Variants in CLYBL observed in about 807,000 individuals in gnomAD.
The protein encoded by CLYBL is citramalyl-CoA lyase, also known as citramalyl-CoA lyase, mitochondrial.
A neutral mutation model predicts 38.9 loss-of-function variants in CLYBL; 31 were observed. The ratio of observed to expected loss-of-function variants is 0.80; its 90% confidence interval spans 0.60 to 1.08. CLYBL has a LOEUF of 1.08. Among genes scored for constraint, CLYBL ranks in the 50% least tolerant of loss-of-function variants. CLYBL has a pLI of 0.00. For synonymous variants in CLYBL, 171 were observed against 158.6 expected, an observed-to-expected ratio of 1.08 and a Z score of -0.59; for missense variants, 434 against 411.6, an observed-to-expected ratio of 1.05 and a Z score of -0.47.
rs142590117 is a variant in CLYBL at position 99,639,467 on chromosome 13, C to A, written c.62+32710C>A. Among the ~76,000 whole-genome samples, 174 of 152,320 alleles carry A rather than the reference C, an allele frequency of 1.1e-3. 2 individuals carry two copies. Among genetic ancestry groups the A allele is most frequent in the African/African-American group, 3.9e-3 (162 of 41,562 alleles). On this transcript the variant is annotated intron_variant, in intron 1 of 8. Transcript: ENST00000339105. Reference sequence around the variant, plus strand: ...ATCCAAGGACATAAGCATTTAGAGTCATTTTTAAAGGAGTGCTCCGATGGT... The same window carrying A: ...ATCCAAGGACATAAGCATTTAGAGTAATTTTTAAAGGAGTGCTCCGATGGT...
intron 1 of CLYBL, among the ~76,000 whole-genome samples, chr13:99,751,942 TG>T (rs975404704): frequency 5.3e-5 from 8 of 152,230 alleles, no homozygotes; most frequent in Non-Finnish European, 7.3e-5. Context: ...CATGGATTAT[TG>T]TTTTATTGCT....
intron 1 of CLYBL, among the ~76,000 whole-genome samples, chr13:99,660,131 A>T (rs2047388359): frequency 6.6e-6 from 1 of 152,214 alleles, no homozygotes. Flanking sequence ...CCAGCGACAC[A>T]TCCAGCTTGT....
chr13:99,874,188 C>T (rs2051979429), intron 7 of CLYBL, among the ~76,000 whole-genome samples: 2 of 152,136 alleles, frequency 1.3e-5, no homozygotes, highest in Non-Finnish European at 2.9e-5. Flanking sequence ...AATCTCTGCT[C>T]CTATGTTAAT....
At chr13:99,752,899 C>T (rs1375193441) in intron 1 of CLYBL, among the ~76,000 whole-genome samples, 1 of 152,112 alleles carries the variant, frequency 6.6e-6, no homozygotes, top group Non-Finnish European at 1.5e-5. Context: ...TTCTCTGAAC[C>T]CAGTGGAAGA....
downstream of CLYBL, among the ~76,000 whole-genome samples, chr13:99,899,376 C>T (rs777697958): frequency 6.6e-6 from 1 of 152,306 alleles, no homozygotes; most frequent in Non-Finnish European, 1.5e-5. Context: ...ATTCTCCTTC[C>T]TTTCCTGGAT....
At chr13:99,902,595 G>T (rs892550419) in intron 8 of CLYBL, among the ~76,000 whole-genome samples, 2 of 152,156 alleles carry the variant, frequency 1.3e-5, no homozygotes, top group Non-Finnish European at 2.9e-5. Context: ...CCAGTGTAGC[G>T]TTTATAAAAA....
intron 1 of CLYBL, among the ~76,000 whole-genome samples, chr13:99,703,752 ATT>A (rs2048106494): frequency 6.6e-6 from 1 of 152,092 alleles, no homozygotes; most frequent in African/African-American, 2.4e-5. Context: ...TAAACAATGC[ATT>A]TGTTTGTTTG....
At chr13:99,854,571 C>T (rs975012064) in intron 2 of CLYBL, among the ~76,000 whole-genome samples, 2 of 152,010 alleles carry the variant, frequency 1.3e-5, no homozygotes, top group Non-Finnish European at 2.9e-5. Flanking sequence ...GACTGTGCCG[C>T]CCTGCCGCGA....
At chr13:99,795,535 T>A (rs7984587) in intron 2 of CLYBL, among the ~76,000 whole-genome samples, 26,174 of 151,878 alleles carry the variant, frequency 0.17, 2,962 homozygotes, top group East Asian at 0.37. Flanking sequence ...GTGCTTGTGG[T>A]CCCAGTTACT....
Position 99,865,675 on chromosome 13 carries a change from A to G in CLYBL, c.635-565A>G, listed in dbSNP as rs989310962. Among the ~76,000 whole-genome samples, 1 of 152,226 alleles carries G rather than the reference A, an allele frequency of 6.6e-6. No individual in the cohort carries two copies. Among genetic ancestry groups the G allele is most frequent in the African/African-American group, 2.4e-5 (1 of 41,460 alleles). ...TCTTTCCAGGAGACTTGTGTATCCAACGGTTCAGCGGGCTACAGAAGGCAT... is the reference window on the plus strand; with the variant it reads ...TCTTTCCAGGAGACTTGTGTATCCAGCGGTTCAGCGGGCTACAGAAGGCAT... On this transcript the variant is annotated intron_variant, in intron 5 of 8. Coordinates refer to ENST00000339105, the MANE Select transcript of CLYBL (RefSeq NM_206808.5). The surrounding 1 kb of genome is among the most constrained non-coding windows in gnomAD (Gnocchi z 4.7).
chr13:99,751,919 T>A (rs2048965698), intron 1 of CLYBL, among the ~76,000 whole-genome samples: 1 of 152,178 alleles, frequency 6.6e-6, no homozygotes, highest in Non-Finnish European at 1.5e-5. Context: ...GAAACAACGA[T>A]CTTAAAATGA....
chr13:99,694,369 C>T (rs953327161), intron 1 of CLYBL, among the ~76,000 whole-genome samples: 5 of 152,338 alleles, frequency 3.3e-5, no homozygotes, highest in African/African-American at 7.2e-5. Context: ...GCAACCAAAG[C>T]GTGCGTTTTC....
At chr13:99,643,774 G>C (rs904880622) in intron 1 of CLYBL, among the ~76,000 whole-genome samples, 4 of 152,144 alleles carry the variant, frequency 2.6e-5, no homozygotes, top group African/African-American at 9.7e-5. Context: ...TTGGGAGGCT[G>C]AGGCAGGTGG....
At chr13:99,812,207 A>G (rs918138010) in intron 2 of CLYBL, among the ~76,000 whole-genome samples, 3 of 152,120 alleles carry the variant, frequency 2.0e-5, no homozygotes, top group African/African-American at 2.4e-5. Flanking sequence ...AAGTCCAAAA[A>G]CTTCTTAAGT....
chr13:99,644,370 T>A (rs9585163), intron 1 of CLYBL, among the ~76,000 whole-genome samples: 2,050 of 152,246 alleles, frequency 0.013, 48 homozygotes, highest in African/African-American at 0.046. Flanking sequence ...CTATTTATTT[T>A]AAAAATTTTA....
Position 99,865,011 on chromosome 13 carries a change from A to G in CLYBL, c.634+100A>G. 2 of 859,766 alleles carry G rather than the reference A, an allele frequency of 2.3e-6. No individual in the cohort carries two copies. The highest frequency in any genetic ancestry group is 2.2e-4 in the Middle Eastern group (1 of 4,536). 53.3% of individuals were successfully genotyped at this position (859,766 alleles called of 1,614,324 possible). ...CTCAAGGATGGACATTTACATAACA[A>G]TGTATATTTGCCAACCATGACAATG... On this transcript the variant is annotated intron_variant, in intron 5 of 8. Transcript: ENST00000339105. The surrounding 1 kb of genome is among the most constrained non-coding windows in gnomAD (Gnocchi z 4.7).
chr13:99,626,035 T>A (rs2139218505), intron 1 of CLYBL, among the ~76,000 whole-genome samples: 1 of 152,306 alleles, frequency 6.6e-6, no homozygotes, highest in African/African-American at 2.4e-5. Context: ...GTCTTAGTCT[T>A]CAAGTGGCCA....
intron 1 of CLYBL, among the ~76,000 whole-genome samples, chr13:99,623,083 C>T (rs2046820955): frequency 6.6e-6 from 1 of 152,224 alleles, no homozygotes. Flanking sequence ...TATGAACATT[C>T]ATATACAGGT....
intron 2 of CLYBL, among the ~76,000 whole-genome samples, chr13:99,850,210 C>A (rs1218822029): frequency 6.6e-6 from 1 of 152,090 alleles, no homozygotes; most frequent in Non-Finnish European, 1.5e-5. Context: ...GAAAAGATAG[C>A]TTCAGAATGG....
Sources: gnomAD v4.1 joint callset for allele counts (sites outside exome capture counted in the v4.1 genomes callset) on GRCh38, gnomAD v4.1.1 for gene constraint, Gnocchi (gnomAD v3.1) non-coding constraint, MANE v1.5 for transcripts, NCBI Gene and HGNC (gene_info 2026-07-23, HGNC 2026-07-21) for gene names.